CD2AP: variants seen among roughly 807,000 people sequenced by gnomAD.
CD2AP encodes CD2-associated protein.
In CD2AP, 46 loss-of-function variants were observed where a neutral mutation model predicts 85.1. That is an observed-to-expected ratio of 0.54 (90% CI 0.43 to 0.69). The LOEUF is 0.69. CD2AP is among the 30% of genes least tolerant of loss of function. CD2AP has a pLI of 0.00. For synonymous variants in CD2AP, 255 were observed against 252.9 expected, an observed-to-expected ratio of 1.01 and a Z score of -0.08; for missense variants, 769 against 729.5, an observed-to-expected ratio of 1.05 and a Z score of -0.62.
At chr6:47,620,300 C>T (rs1769710389) in intron 17 of CD2AP, among the ~76,000 whole-genome samples, 1 of 152,154 alleles carries the variant, frequency 6.6e-6, no homozygotes. Context: ...TATCCCAGCA[C>T]CATTTGTTGA....
intron 11 of CD2AP, among the ~76,000 whole-genome samples, chr6:47,593,721 G>T (rs1307180679): frequency 6.6e-6 from 1 of 152,054 alleles, no homozygotes; most frequent in Non-Finnish European, 1.5e-5. Flanking sequence ...AATAGAAAAT[G>T]TTTTAGCTAC....
At chr6:47,579,020 T>G (rs116704498) in intron 8 of CD2AP, among the ~76,000 whole-genome samples, 2,626 of 152,294 alleles carry the variant, frequency 0.017, 75 homozygotes, top group African/African-American at 0.058. Flanking sequence ...ATTTTAAAAT[T>G]GATATAGTTT....
chr6:47,498,265 T>C (rs1765917128), intron 1 of CD2AP, among the ~76,000 whole-genome samples: 1 of 149,842 alleles, frequency 6.7e-6, no homozygotes, highest in African/African-American at 2.5e-5. Context: ...TCAGTGACTT[T>C]TAATTTTTCT....
chr6:47,599,256 C>T lies in CD2AP; in HGVS notation c.1275-45C>T, dbSNP rs752886928. 1.1e-5 allele frequency: 17 copies of T among 1,533,580 alleles called. 1 individual carries two copies. The highest frequency in any genetic ancestry group is 4.5e-5 in the East Asian group (2 of 44,280). 95.0% of individuals were successfully genotyped at this position (1,533,580 alleles called of 1,614,324 possible). A position where few individuals can be genotyped will look rare whatever the true frequency, so the allele number is the denominator to read the frequency against. ...ATTAAATCACAATTTAAAAAAAAGT[C>T]GTGTTTCATACTAGTGATTTTTGCG... On this transcript the variant is annotated intron_variant, in intron 12 of 17. Coordinates refer to ENST00000359314, the MANE Select transcript of CD2AP (RefSeq NM_012120.3).
chr6:47,572,768 T>G (rs1029475125), intron 5 of CD2AP, among the ~76,000 whole-genome samples: 1 of 152,180 alleles, frequency 6.6e-6, no homozygotes, highest in Non-Finnish European at 1.5e-5. Context: ...ATTTGTAAAA[T>G]GAGGAGTAAT....
At chr6:47,533,402 A>T (rs1766941117) in intron 2 of CD2AP, among the ~76,000 whole-genome samples, 200 bp from the exon 3 acceptor site, 1 of 152,126 alleles carries the variant, frequency 6.6e-6, no homozygotes, top group Admixed American at 6.5e-5. Context: ...TCCAGTTCTG[A>T]TAAAACTTAA....
chr6:47,574,445 A>C (rs1023257674), intron 6 of CD2AP, among the ~76,000 whole-genome samples, 194 bp downstream of exon 6: 1 of 152,000 alleles, frequency 6.6e-6, no homozygotes. Context: ...GAATCTAATA[A>C]AATTAGAATG....
intron 16 of CD2AP, among the ~76,000 whole-genome samples, chr6:47,612,202 C>T (rs1769463644): frequency 6.6e-6 from 1 of 152,040 alleles, no homozygotes; most frequent in South Asian, 2.1e-4. Flanking sequence ...AAAATTTCTT[C>T]TAAAGGTTAG....
Position 47,581,950 on chromosome 6 carries a change from C to T in CD2AP, c.1046-53C>T, listed in dbSNP as rs192593327. Reference sequence around the variant, plus strand: ...CTTTACTTTTTAGAAGTGTAATTGTCTCTGTGCTTTAAAACTGTCTTCTTA... The same window carrying T: ...CTTTACTTTTTAGAAGTGTAATTGTTTCTGTGCTTTAAAACTGTCTTCTTA... On this transcript the variant is annotated intron_variant, in intron 10 of 17. Transcript: ENST00000359314. The T allele has an allele frequency of 1.0e-4, 114 of 1,140,140 alleles. 1 individual carries two copies. The East Asian group carries it at 2.6e-3, about 26-fold the overall frequency. The allele number at this position is 1,140,140 out of a possible 1,614,324, so 70.6% of individuals were successfully genotyped here.
At chr6:47,552,938 T>C (rs1767566782) in intron 4 of CD2AP, among the ~76,000 whole-genome samples, 1 of 152,192 alleles carries the variant, frequency 6.6e-6, no homozygotes, top group Admixed American at 6.5e-5. Flanking sequence ...GTTTTACTTT[T>C]ATTCAGCCTT....
At chr6:47,619,379 A>G (rs114368314) in intron 17 of CD2AP, among the ~76,000 whole-genome samples, 3,516 of 152,340 alleles carry the variant, frequency 0.023, 57 homozygotes, top group Non-Finnish European at 0.035. Context: ...AATTTCATGC[A>G]GGTCACTGCA....
intron 12 of CD2AP, among the ~76,000 whole-genome samples, chr6:47,598,767 G>T (rs1484547417): frequency 6.6e-6 from 1 of 150,648 alleles, no homozygotes; most frequent in East Asian, 1.9e-4. Flanking sequence ...GGTGGGAGGG[G>T]AGTGAAGGAT....
chr6:47,596,231 C>T (rs1005675411), intron 12 of CD2AP, among the ~76,000 whole-genome samples: 1 of 151,994 alleles, frequency 6.6e-6, no homozygotes, highest in South Asian at 2.1e-4. Context: ...GGAATGGCTT[C>T]GGTAACTGTG....
intron 5 of CD2AP, among the ~76,000 whole-genome samples, chr6:47,572,246 G>A (rs145860839): frequency 1.4e-3 from 207 of 152,302 alleles, no homozygotes; most frequent in African/African-American, 4.6e-3. Context: ...GGGGCCGGGC[G>A]CAGTGACTCA....
chr6:47,501,039 G>C (rs554334945), intron 1 of CD2AP, among the ~76,000 whole-genome samples: 11 of 152,270 alleles, frequency 7.2e-5, no homozygotes, highest in African/African-American at 2.6e-4. Context: ...GAGCCACTGA[G>C]CCTGGCCTGT....
intron 2 of CD2AP, among the ~76,000 whole-genome samples, chr6:47,525,988 T>C (rs1562016007): frequency 6.6e-6 from 1 of 152,152 alleles, no homozygotes; most frequent in Non-Finnish European, 1.5e-5. Flanking sequence ...CCTGAAGTTA[T>C]TTTCCAAGTC....
chr6:47,604,210 G>A (rs915933220), intron 13 of CD2AP, among the ~76,000 whole-genome samples: 1 of 152,060 alleles, frequency 6.6e-6, no homozygotes, highest in African/African-American at 2.4e-5. Context: ...GTTATGCCAC[G>A]TGTACAGTGT....
intron 3 of CD2AP, 106 bp downstream of exon 3, chr6:47,533,861 A>G (rs1766957371): frequency 8.8e-7 from 1 of 1,132,708 alleles, no homozygotes; most frequent in Admixed American, 2.2e-5. Flanking sequence ...AGACAACTAC[A>G]GTAACTTCCT....
intron 1 of CD2AP, among the ~76,000 whole-genome samples, chr6:47,484,148 G>T (rs1259596080): frequency 6.6e-6 from 1 of 151,918 alleles, no homozygotes; most frequent in Admixed American, 6.6e-5. Context: ...TTTGGCTTAC[G>T]TTAGGTAGAT....
Sources: allele counts gnomAD v4.1 joint callset (sites outside exome capture counted in the v4.1 genomes callset), GRCh38; gene constraint gnomAD v4.1.1; transcripts MANE v1.5; gene names NCBI Gene and HGNC (gene_info 2026-07-23, HGNC 2026-07-21).